Variants in CDK19 observed in about 807,000 individuals in gnomAD.
CDK19 encodes cyclin dependent kinase 19.
CDK19 carries 20 observed loss-of-function variants against 68.3 expected under a neutral mutation model. The observed-to-expected ratio is 0.29, with a 90% CI of 0.21 to 0.43. The LOEUF is 0.43. CDK19 is among the 20% of genes least tolerant of loss of function. The pLI is 1.00. For synonymous variants in CDK19, 221 were observed against 222.8 expected, an observed-to-expected ratio of 0.99 and a Z score of 0.07; for missense variants, 339 against 623.5, an observed-to-expected ratio of 0.54 and a Z score of 4.86.
chr6:110,675,352 G>A (rs9372261), intron 2 of CDK19, among the ~76,000 whole-genome samples: 20,722 of 152,132 alleles, frequency 0.14, 1,761 homozygotes, highest in East Asian at 0.32. Context: ...AAATGGCCGG[G>A]TACAGTGGCT....
At chr6:110,679,910 C>A (rs1029689508) in intron 2 of CDK19, among the ~76,000 whole-genome samples, 2 of 152,148 alleles carry the variant, frequency 1.3e-5, no homozygotes, top group Non-Finnish European at 2.9e-5. Flanking sequence ...TAAAATGGTA[C>A]CTAGCACATA....
chr6:110,653,137 A>AT (rs1175876338), intron 4 of CDK19, among the ~76,000 whole-genome samples: 1 of 152,220 alleles, frequency 6.6e-6, no homozygotes, highest in African/African-American at 2.4e-5. Context: ...AACAAAATGA[A>AT]TAATATAATC....
chr6:110,637,273 C>A (rs1779841387), intron 5 of CDK19, among the ~76,000 whole-genome samples: 2 of 152,114 alleles, frequency 1.3e-5, no homozygotes, highest in Admixed American at 1.3e-4. Flanking sequence ...TCAATAAATG[C>A]CTCTAAGAAA....
chr6:110,701,913 C>T (rs1259012565), intron 2 of CDK19, among the ~76,000 whole-genome samples: 2 of 151,528 alleles, frequency 1.3e-5, no homozygotes, highest in Admixed American at 6.6e-5. Flanking sequence ...GAGGCCGGGG[C>T]AGGTGGATCA....
At chr6:110,755,988 G>A (rs895103464) in intron 1 of CDK19, among the ~76,000 whole-genome samples, 2 of 152,130 alleles carry the variant, frequency 1.3e-5, no homozygotes, top group Non-Finnish European at 2.9e-5. Context: ...GGCCAGATGC[G>A]GTGGCTCATG....
In CDK19 at chr6:110,696,696, C is replaced by T. The variant is rs558340488; in HGVS notation, c.205-26155G>A. 1.2e-4 allele frequency among the ~76,000 whole-genome samples: 18 copies of T among 152,012 alleles called. No individual in the cohort carries two copies. In the East Asian group the frequency reaches 2.9e-3, roughly 25 times the overall value. ...CAGCACTTTGGGAAGCTGAGGCAGG[C>T]GGATCACCTGAGGCCAGGATTTCGA... On this transcript the variant is annotated intron_variant, in intron 2 of 12. Coordinates refer to ENST00000368911, the MANE Select transcript of CDK19 (RefSeq NM_015076.5).
chr6:110,725,052 T>G (rs1776225754), intron 2 of CDK19, among the ~76,000 whole-genome samples: 2 of 152,192 alleles, frequency 1.3e-5, no homozygotes, highest in Non-Finnish European at 2.9e-5. Context: ...TATTATTGTA[T>G]GCATTTTTCA....
intron 2 of CDK19, among the ~76,000 whole-genome samples, chr6:110,676,152 A>G (rs1375787063): frequency 6.6e-6 from 1 of 152,240 alleles, no homozygotes; most frequent in Non-Finnish European, 1.5e-5. Context: ...AATTTTGAGG[A>G]GTTCAAGGTA....
intron 2 of CDK19, among the ~76,000 whole-genome samples, chr6:110,733,718 A>G (rs919657552): frequency 5.9e-5 from 9 of 151,892 alleles, no homozygotes; most frequent in Admixed American, 2.0e-4. Context: ...CTAAAACACA[A>G]AAAACATAGC....
chr6:110,718,394 A>G (rs1775569565), intron 2 of CDK19, among the ~76,000 whole-genome samples: 1 of 152,140 alleles, frequency 6.6e-6, no homozygotes, highest in Non-Finnish European at 1.5e-5. Context: ...AAGAGCTACT[A>G]TGTCAGTGAA....
At chr6:110,728,030 C>T (rs112109416) in intron 2 of CDK19, among the ~76,000 whole-genome samples, 2,923 of 151,304 alleles carry the variant, frequency 0.019, 98 homozygotes, top group African/African-American at 0.068. Context: ...GTGGCTCACA[C>T]CTGTAATCCC....
chr6:110,649,549 A>G (rs1161679553), intron 4 of CDK19, among the ~76,000 whole-genome samples: 2 of 152,218 alleles, frequency 1.3e-5, no homozygotes, highest in Admixed American at 6.5e-5. Flanking sequence ...TTATCAAAAG[A>G]TAAAGAAAAT....
At chr6:110,781,679 C>T (rs1780833575) in intron 1 of CDK19, among the ~76,000 whole-genome samples, 1 of 151,556 alleles carries the variant, frequency 6.6e-6, no homozygotes, top group South Asian at 2.1e-4. Flanking sequence ...CCCATCTCTA[C>T]AAAAAAATAC....
chr6:110,636,539 CA>C (rs751371179), intron 5 of CDK19, among the ~76,000 whole-genome samples: 13 of 152,106 alleles, frequency 8.5e-5, no homozygotes, highest in Admixed American at 2.0e-4. Context: ...GTCAGAAGAA[CA>C]AATGGTTTAC....
chr6:110,775,546 A>G (rs553184804), intron 1 of CDK19, among the ~76,000 whole-genome samples: 1 of 152,346 alleles, frequency 6.6e-6, no homozygotes, highest in South Asian at 2.1e-4. Context: ...TTGTTCCAAT[A>G]TCAAAATAAA....
chr6:110,674,334 G>C (rs1771291742), intron 2 of CDK19, among the ~76,000 whole-genome samples: 1 of 152,172 alleles, frequency 6.6e-6, no homozygotes, highest in East Asian at 1.9e-4. Context: ...AACTGTTCAA[G>C]TGAAAGGAAG....
In CDK19 at chr6:110,706,406, T is replaced by TG. The variant is rs1204694417; in HGVS notation, c.205-35866_205-35865insC. ...ACAGCATGCTGGGTAACACTGTTGT[T>TG]TTTTTTTTGTTTGTTTTTTTTTTTT... On this transcript the variant is annotated intron_variant, in intron 2 of 12. Coordinates refer to ENST00000368911, the MANE Select transcript of CDK19 (RefSeq NM_015076.5). 1.3e-4 allele frequency: 10 copies of TG among 75,468 alleles called. 1 individual carries two copies. The highest frequency in any genetic ancestry group is 2.7e-4 in the Non-Finnish European group (9 of 33,030). 4.7% of individuals were successfully genotyped at this position (75,468 alleles called of 1,614,324 possible).
chr6:110,766,680 C>T (rs1779609974), intron 1 of CDK19, among the ~76,000 whole-genome samples: 2 of 152,146 alleles, frequency 1.3e-5, no homozygotes, highest in Admixed American at 1.3e-4. Context: ...ACAAATACCA[C>T]ATTTTCACTT....
chr6:110,675,604 G>A (rs532750321), intron 2 of CDK19, among the ~76,000 whole-genome samples: 36 of 126,642 alleles, frequency 2.8e-4, no homozygotes, highest in African/African-American at 1.1e-3. Context: ...TCCAGCCTGG[G>A]CAACAAGAAT....
Sources: allele counts gnomAD v4.1 joint callset (sites outside exome capture counted in the v4.1 genomes callset), GRCh38; gene constraint gnomAD v4.1.1; transcripts MANE v1.5; gene names NCBI Gene and HGNC (gene_info 2026-07-23, HGNC 2026-07-21).